LY75: variants seen among roughly 807,000 people sequenced by gnomAD.
LY75 encodes the protein lymphocyte antigen 75.
A neutral mutation model predicts 231.7 loss-of-function variants in LY75; 185 were observed. The observed-to-expected ratio is 0.80, with a 90% CI of 0.71 to 0.90. The LOEUF (loss-of-function observed/expected upper bound fraction) is 0.90. Among genes scored for constraint, LY75 ranks in the 40% least tolerant of loss-of-function variants. LY75 has a pLI of 0.00. For synonymous variants in LY75, 668 were observed against 689.0 expected (o/e 0.97, Z 0.48); for missense variants, 1,947 against 2,050.2 (o/e 0.95, Z 0.97).
At chr2:159,808,988 C>A (rs1682873973) in intron 32 of LY75, among the ~76,000 whole-genome samples, 2 of 152,184 alleles carry the variant, frequency 1.3e-5, no homozygotes, top group African/African-American at 2.4e-5. Flanking sequence ...ATTAGTTTTA[C>A]AGTAAACCAT....
At chr2:159,826,191 G>A (rs1420138392) in intron 28 of LY75, among the ~76,000 whole-genome samples, 2 of 152,158 alleles carry the variant, frequency 1.3e-5, no homozygotes, top group Admixed American at 6.5e-5. Context: ...TGACATGATT[G>A]TATATTTAGA....
chr2:159,854,383 C>CT lies in LY75; in HGVS notation c.2571dup (p.Ala858SerfsTer12). The CT allele has an allele frequency of 6.7e-7, 1 of 1,490,718 alleles. No individual in the cohort carries two copies. Among genetic ancestry groups the CT allele is most frequent in the Non-Finnish European group, 9.0e-7 (1 of 1,109,928 alleles). 92.3% of individuals were successfully genotyped at this position (1,490,718 alleles called of 1,614,324 possible). A position where few individuals can be genotyped will look rare whatever the true frequency, so the allele number is the denominator to read the frequency against. On this transcript the variant is annotated frameshift_variant, in exon 18 of 35. Transcript: ENST00000263636. LOFTEE classifies it high-confidence loss of function. ...ACATTTGCTATTTTGTTTTTGATGGCTTTTAGTCCCACAAAAGATGTTATA... is the reference window on the plus strand; with the variant it reads ...ACATTTGCTATTTTGTTTTTGATGGCTTTTTAGTCCCACAAAAGATGTTATA...
intron 5 of LY75, among the ~76,000 whole-genome samples, chr2:159,886,081 A>C (rs1474190003): frequency 6.6e-6 from 1 of 152,214 alleles, no homozygotes; most frequent in Non-Finnish European, 1.5e-5. Flanking sequence ...GTTCAGCTGC[A>C]GATGAAACAC....
At chr2:159,824,883 G>A (rs185650153) in intron 28 of LY75, among the ~76,000 whole-genome samples, 1 of 152,226 alleles carries the variant, frequency 6.6e-6, no homozygotes, top group Admixed American at 6.5e-5. Context: ...AATGAAGGCA[G>A]AAATAAAGAT....
intron 4 of LY75, among the ~76,000 whole-genome samples, chr2:159,888,615 T>A (rs1373945081): frequency 6.6e-6 from 1 of 152,194 alleles, no homozygotes; most frequent in Non-Finnish European, 1.5e-5. Flanking sequence ...TAAAATAGTG[T>A]GACAGAATGC....
chr2:159,870,772 A>G (rs761571443), intron 13 of LY75, among the ~76,000 whole-genome samples: 2 of 151,710 alleles, frequency 1.3e-5, no homozygotes, highest in Non-Finnish European at 2.9e-5. Flanking sequence ...TCAGGCCCCC[A>G]AAGTGCTGGG....
chr2:159,811,617 G>A (rs1682964082), intron 31 of LY75, among the ~76,000 whole-genome samples: 1 of 152,022 alleles, frequency 6.6e-6, no homozygotes, highest in African/African-American at 2.4e-5. Flanking sequence ...GGCTTTTTCT[G>A]TTTTTTTCTC....
intron 25 of LY75, among the ~76,000 whole-genome samples, chr2:159,837,870 A>T (rs1315899123): frequency 1.3e-5 from 2 of 152,126 alleles, no homozygotes; most frequent in Admixed American, 6.6e-5. Context: ...ATTCACTAAG[A>T]TGTCCCAATT....
At chr2:159,895,611 A>C (rs1685888790) in intron 2 of LY75, among the ~76,000 whole-genome samples, 1 of 152,190 alleles carries the variant, frequency 6.6e-6, no homozygotes, top group Admixed American at 6.5e-5. Flanking sequence ...ATTTTTGCAG[A>C]GTAGTCAAGT....
rs1024995141 is a variant in LY75 at position 159,821,625 on chromosome 2, AAAAAAAAGAAAAG to A, written c.3959-1718_3959-1706del. ...CAAGAGCAAAAGTCTGTCTCAAAAA[AAAAAAAAGAAAAG>A]AAAAGAAAGAAAACATAGGAGTAAG... is the stretch of plus-strand genomic sequence containing the variant. On this transcript the variant is annotated intron_variant, in intron 28 of 34. Transcript: ENST00000263636. Among the ~76,000 whole-genome samples the A allele has an allele frequency of 1.1e-3, 89 of 78,484 alleles. 1 individual carries two copies. Among genetic ancestry groups the A allele is most frequent in the Middle Eastern group, 4.7e-3 (1 of 212 alleles). The allele number at this position is 78,484 out of a possible 152,430, so 51.5% of individuals were successfully genotyped here. A position where few individuals can be genotyped will look rare whatever the true frequency, so the allele number is the denominator to read the frequency against.
intron 28 of LY75, among the ~76,000 whole-genome samples, chr2:159,828,558 T>C (rs1331971266): frequency 6.6e-6 from 1 of 152,160 alleles, no homozygotes; most frequent in Non-Finnish European, 1.5e-5. Context: ...GAAAATGGTA[T>C]AGCTGGTTTG....
intron 28 of LY75, among the ~76,000 whole-genome samples, chr2:159,821,837 C>G (rs144043215): frequency 6.6e-6 from 1 of 152,110 alleles, no homozygotes; most frequent in Admixed American, 6.5e-5. Context: ...ACTGAGGTAC[C>G]GGGTTCATCT....
At chr2:159,890,785 GT>G (rs1685730363) in intron 3 of LY75, among the ~76,000 whole-genome samples, 1 of 152,134 alleles carries the variant, frequency 6.6e-6, no homozygotes, top group Non-Finnish European at 1.5e-5. Flanking sequence ...ACCACTGTAT[GT>G]TTATGTGTGT....
At chr2:159,864,123 T>C (rs1016377366) in intron 14 of LY75, among the ~76,000 whole-genome samples, 1 of 152,200 alleles carries the variant, frequency 6.6e-6, no homozygotes, top group African/African-American at 2.4e-5. Context: ...GATGTACGAC[T>C]GTATTTTGGA....
At position 159,835,630 on chromosome 2, in the gene LY75, C is replaced by G; in HGVS notation, c.3523G>C (p.Gly1175Arg). 1 of 1,613,492 alleles carries G rather than the reference C, an allele frequency of 6.2e-7. No individual in the cohort carries two copies. The highest frequency in any genetic ancestry group is 1.1e-5 in the South Asian group (1 of 90,898). ...LFSQDDELNF[G>R]WSDGKRLHFS... ...TGAAGACGTTTCCCATCTGACCAAC[C>G]AAAGTTGAGTTCATCCTGTAAGGAG... Residue 1175 changes from glycine (G) to arginine (R), a missense_variant, in exon 26 of 35, where the codon GGT (glycine) becomes CGT (arginine). Gly to Arg is a moderately radical substitution (Grantham distance 125, BLOSUM62 -2). Transcript: ENST00000263636.
intron 23 of LY75, among the ~76,000 whole-genome samples, chr2:159,846,519 GA>G (rs1322680233): frequency 6.6e-6 from 1 of 151,636 alleles, no homozygotes. Flanking sequence ...CCCTGTGTCA[GA>G]AAAAACAACA....
chr2:159,858,539 C>T, intron 15 of LY75, 63 bp from the exon 16 acceptor site: 1 of 1,515,096 alleles, frequency 6.6e-7, no homozygotes, highest in Non-Finnish European at 8.8e-7. Flanking sequence ...GAACACTAAA[C>T]TGTAAGCCCT....
At chr2:159,848,347 C>A (rs1202034081) in intron 23 of LY75, among the ~76,000 whole-genome samples, 1 of 151,758 alleles carries the variant, frequency 6.6e-6, no homozygotes, top group Non-Finnish European at 1.5e-5. Flanking sequence ...TAAGTGGGAG[C>A]TAAGCTATGA....
At position 159,860,858 on chromosome 2, in the gene LY75, T is replaced by G. The variant is rs757693685; in HGVS notation, c.2231A>C (p.Gln744Pro). 1 of 1,614,006 alleles carries G rather than the reference T, an allele frequency of 6.2e-7. No individual in the cohort carries two copies. The highest frequency in any genetic ancestry group is 1.7e-5 in the Admixed American group (1 of 60,020). Residue 744 changes from glutamine (Q) to proline (P), a missense_variant, in exon 15 of 35, where the codon CAG becomes CCG. By Grantham distance (76) the Gln-to-Pro change is moderately conservative. Coordinates refer to ENST00000263636, the MANE Select transcript of LY75 (RefSeq NM_002349.4). ...ACAGTCTCTGATGTCATAATCCTGCTGAAACTCATTTGGCATGATAATAGT... is the reference window on the plus strand; with the variant it reads ...ACAGTCTCTGATGTCATAATCCTGCGGAAACTCATTTGGCATGATAATAGT... ...VSTIIMPNEF[Q>P]QDYDIRDCAA...
Sources: allele counts gnomAD v4.1 joint callset (sites outside exome capture counted in the v4.1 genomes callset), GRCh38; gene constraint gnomAD v4.1.1; transcripts MANE v1.5; gene names NCBI Gene and HGNC (gene_info 2026-07-23, HGNC 2026-07-21).